Variants in ACSS2 observed in about 807,000 individuals in gnomAD.
ACSS2 encodes the protein acetyl-coenzyme A synthetase, cytoplasmic.
A neutral mutation model predicts 90.6 loss-of-function variants in ACSS2; 58 were observed. The ratio of observed to expected loss-of-function variants is 0.64; its 90% CI spans 0.52 to 0.80. The LOEUF is 0.80. ACSS2 is among the 30% of genes least tolerant of loss of function. The probability of loss-of-function intolerance (pLI) is 0.00; values close to 1 mark genes in which losing one functional copy is unlikely to be tolerated. For synonymous variants in ACSS2, 300 were observed against 330.9 expected, an observed-to-expected ratio of 0.91 and a Z score of 1.01; for missense variants, 759 against 912.0, an observed-to-expected ratio of 0.83 and a Z score of 2.16.
intron 9 of ACSS2, 60 bp from the exon 10 acceptor site, chr20:34,920,946 A>T (rs1022884357): frequency 1.4e-5 from 23 of 1,606,058 alleles, no homozygotes; most frequent in Middle Eastern, 1.7e-4. Flanking sequence ...AGGGAATGGT[A>T]GGGGGATGAA....
At position 34,926,104 on chromosome 20, in the gene ACSS2, G is replaced by C. The variant is rs1056030328; in HGVS notation, c.1727-1G>C. The C allele has an allele frequency of 6.2e-7, 1 of 1,614,036 alleles. No homozygotes were observed. The highest frequency in any genetic ancestry group is 8.5e-7 in the Non-Finnish European group (1 of 1,180,012). On this transcript the variant is annotated splice_acceptor_variant, in intron 15 of 17. Transcript: ENST00000360596. LOFTEE classifies it high-confidence loss of function. ...CATGGCACTTCCTTTCCCTTGACAA[G>C]GACACCTGCTGAGTACAGCAGAGGT...
chr20:34,923,302 T>C, intron 13 of ACSS2, 21 bp from the exon 14 acceptor site: 1 of 1,554,400 alleles, frequency 6.4e-7, no homozygotes, highest in Non-Finnish European at 8.9e-7. Flanking sequence ...ATGTGATCAC[T>C]GTCCCTTCCT....
intron 2 of ACSS2, among the ~76,000 whole-genome samples, chr20:34,900,862 T>A (rs975530404): frequency 6.6e-6 from 1 of 152,212 alleles, no homozygotes; most frequent in Non-Finnish European, 1.5e-5. Flanking sequence ...CCTACATTTT[T>A]ATTTTTTTCC....
intron 2 of ACSS2, among the ~76,000 whole-genome samples, chr20:34,904,935 A>G (rs953494195): frequency 3.9e-5 from 4 of 103,014 alleles, no homozygotes; most frequent in Non-Finnish European, 7.3e-5. Context: ...TTTGGTAGGC[A>G]GGGGCGAGAC....
intron 2 of ACSS2, among the ~76,000 whole-genome samples, chr20:34,895,200 G>A (rs542958954): frequency 3.2e-4 from 49 of 151,956 alleles, no homozygotes; most frequent in African/African-American, 4.3e-4. Flanking sequence ...GCAAAAAATC[G>A]AATTTCCAAA....
At chr20:34,926,016 A>G (rs961702799) in intron 15 of ACSS2, 89 bp from the exon 16 acceptor site, 2 of 1,428,250 alleles carry the variant, frequency 1.4e-6, no homozygotes, top group African/African-American at 2.8e-5. Context: ...CCATTTGGCC[A>G]GACCAGGACT....
At chr20:34,923,018 C>A (rs1216173799) in intron 13 of ACSS2, 4 of 242,012 alleles carry the variant, frequency 1.7e-5, no homozygotes, top group African/African-American at 4.3e-5. Flanking sequence ...AAACACTTAT[C>A]AATAATAGAA....
intron 2 of ACSS2, among the ~76,000 whole-genome samples, chr20:34,885,359 A>G (rs1401284929): frequency 1.3e-5 from 2 of 152,170 alleles, no homozygotes; most frequent in Non-Finnish European, 2.9e-5. Context: ...ATCACTGGAG[A>G]GTTTTCCAGA....
In ACSS2 at chr20:34,925,886, T is replaced by C; in HGVS notation, c.1726+120T>C. The C allele has an allele frequency of 2.4e-6, 3 of 1,239,094 alleles. No homozygotes were observed. In the South Asian group the frequency reaches 4.2e-5, roughly 17 times the overall value. The allele number at this position is 1,239,094 out of a possible 1,614,324, so 76.8% of individuals were successfully genotyped here. A position where few individuals can be genotyped will look rare whatever the true frequency, so the allele number is the denominator to read the frequency against. On this transcript the variant is annotated intron_variant, in intron 15 of 17. Coordinates refer to ENST00000360596, the MANE Select transcript of ACSS2 (RefSeq NM_018677.4). Reference sequence around the variant, plus strand: ...GCCAGACCATGTACTAAGTGTAGCATTCAGTTCTGGGCCCAGGTTTTAGAG... The same window carrying C: ...GCCAGACCATGTACTAAGTGTAGCACTCAGTTCTGGGCCCAGGTTTTAGAG...
At chr20:34,898,735 T>G (rs1003643072) in intron 2 of ACSS2, among the ~76,000 whole-genome samples, 1 of 152,214 alleles carries the variant, frequency 6.6e-6, no homozygotes, top group Non-Finnish European at 1.5e-5. Flanking sequence ...CCCAGCTGGC[T>G]TCACCCAGTG....
At chr20:34,880,607 C>A (rs1219041493) in intron 1 of ACSS2, among the ~76,000 whole-genome samples, 1 of 151,840 alleles carries the variant, frequency 6.6e-6, no homozygotes, top group Non-Finnish European at 1.5e-5. Flanking sequence ...CATGCATTGC[C>A]TTGCAATCTA....
At chr20:34,897,751 C>A (rs931251675) in intron 2 of ACSS2, among the ~76,000 whole-genome samples, 1 of 152,010 alleles carries the variant, frequency 6.6e-6, no homozygotes, top group African/African-American at 2.4e-5. Context: ...ATTGCTTGAA[C>A]CCAGGAGACG....
Position 34,927,013 on chromosome 20 carries a change from T to A in ACSS2, c.1978+62T>A. ...AGGCCTGGTGGTGGTGGGGTGTGCG[T>A]GGATGAAAGCCTTTGGCAGGGCTAG... On this transcript the variant is annotated intron_variant, in intron 17 of 17. Transcript: ENST00000360596. The surrounding 1 kb of genome is among the most constrained non-coding windows in gnomAD (Gnocchi z 4.2). 1 of 1,613,994 alleles carries A rather than the reference T, an allele frequency of 6.2e-7. No individual in the cohort carries two copies. Among genetic ancestry groups the A allele is most frequent in the Non-Finnish European group, 8.5e-7 (1 of 1,179,910 alleles).
chr20:34,876,881 T>G (rs564003213), intron 1 of ACSS2, 58 bp downstream of exon 1: 4 of 1,152,266 alleles, frequency 3.5e-6, no homozygotes, highest in East Asian at 3.2e-5. Context: ...GGGGGCTCCC[T>G]GGGGGAGTCG....
chr20:34,880,829 G>T (rs2080055029), intron 1 of ACSS2, among the ~76,000 whole-genome samples: 1 of 151,754 alleles, frequency 6.6e-6, no homozygotes, highest in African/African-American at 2.4e-5. Context: ...ATTCTGTCTT[G>T]TACATTAAAA....
At chr20:34,905,523 G>A (rs2080778385) in intron 2 of ACSS2, among the ~76,000 whole-genome samples, 1 of 152,206 alleles carries the variant, frequency 6.6e-6, no homozygotes, top group Non-Finnish European at 1.5e-5. Context: ...GCCTCCCAGA[G>A]TGCTGGGATT....
intron 1 of ACSS2, among the ~76,000 whole-genome samples, chr20:34,878,478 C>T (rs148018513): frequency 1.1e-4 from 17 of 152,204 alleles, no homozygotes; most frequent in African/African-American, 2.7e-4. Context: ...AATAAGTATG[C>T]GCTATAACAT....
At chr20:34,889,398 A>C in intron 2 of ACSS2, among the ~76,000 whole-genome samples, 1 of 107,924 alleles carries the variant, frequency 9.3e-6, no homozygotes, top group East Asian at 2.4e-4. Context: ...CTGGGATTAC[A>C]GGCGTGTGCC....
intron 2 of ACSS2, among the ~76,000 whole-genome samples, chr20:34,885,725 G>A (rs1271233122): frequency 6.6e-6 from 1 of 152,120 alleles, no homozygotes; most frequent in Non-Finnish European, 1.5e-5. Context: ...TTGCCAGCAT[G>A]CTATTGATAT....
Sources: allele counts gnomAD v4.1 joint callset (sites outside exome capture counted in the v4.1 genomes callset), GRCh38; gene constraint gnomAD v4.1.1; non-coding constraint Gnocchi (gnomAD v3.1); transcripts MANE v1.5; gene names NCBI Gene and HGNC (gene_info 2026-07-23, HGNC 2026-07-21).